The following OAS2 variants were observed in gnomAD, a reference collection of about 807,000 sequenced individuals.
OAS2 encodes the protein 2'-5'-oligoadenylate synthase 2.
A neutral mutation model predicts 71.3 loss-of-function variants in OAS2; 67 were observed. The observed-to-expected ratio is 0.94, with a 90% confidence interval of 0.77 to 1.15. OAS2 has a LOEUF of 1.15. OAS2 is among the 50% of genes most tolerant of loss of function. OAS2 has a pLI of 0.00. For synonymous variants in OAS2, 327 were observed against 321.8 expected (o/e 1.02, Z -0.17); for missense variants, 789 against 822.5 (o/e 0.96, Z 0.50).
chr12:112,988,863 C>G, intron 2 of OAS2: 1 of 393,882 alleles, frequency 2.5e-6, no homozygotes. Flanking sequence ...CTCTTGGGAT[C>G]TGAATCAGGA....
intron 5 of OAS2, among the ~76,000 whole-genome samples, chr12:113,001,391 TATATATACACATATATAC>T (rs2044285906): frequency 6.7e-6 from 1 of 148,300 alleles, no homozygotes; most frequent in Non-Finnish European, 1.5e-5. Flanking sequence ...CATATACACA[TATATATACACATATATAC>T]ATATATACAC....
At chr12:113,007,151 A>G (rs1593207337) in intron 8 of OAS2, among the ~76,000 whole-genome samples, 1 of 152,302 alleles carries the variant, frequency 6.6e-6, no homozygotes, top group Non-Finnish European at 1.5e-5. Context: ...CACACAAAGT[A>G]GCTTCTGAAC....
chr12:113,006,536 T>A lies in OAS2; in HGVS notation c.1592T>A (p.Phe531Tyr), dbSNP rs2044336466. The A allele has an allele frequency of 6.2e-7, 1 of 1,612,972 alleles. No homozygotes were observed. The highest frequency in any genetic ancestry group is 1.3e-5 in the African/African-American group (1 of 74,898). ...TGTTTCACAGTCCTGCAGCGAAACT[T>A]CATTCGCTCCCGGCCCACCAAACTA... ...STCFTVLQRN[F>Y]IRSRPTKLKD... Residue 531 changes from phenylalanine to tyrosine, a missense_variant, in exon 8 of 10, where the codon TTC becomes TAC. Phe to Tyr is a conservative substitution (Grantham distance 22). Coordinates refer to ENST00000392583, the MANE Select transcript of OAS2 (RefSeq NM_002535.3).
At position 113,007,953 on chromosome 12, in the gene OAS2, C is replaced by A. The variant is rs1250205478; in HGVS notation, c.1895+10C>A. 3 of 1,590,160 alleles carry A rather than the reference C, an allele frequency of 1.9e-6. No homozygotes were observed. The highest frequency in any genetic ancestry group is 1.7e-4 in the Middle Eastern group (1 of 6,030). ...AGTTGCAGAAAACCAGGTGCCTTCA[C>A]CCTAGCCCCGTACTTTTCTTAACCT... is the stretch of plus-strand genomic sequence containing the variant. On this transcript the variant is annotated intron_variant, in intron 9 of 9. Coordinates refer to ENST00000392583, the MANE Select transcript of OAS2 (RefSeq NM_002535.3).
Position 112,995,444 on chromosome 12 carries a change from G to A in OAS2, c.597G>A (p.Leu199=). ...FDNRPGKLKD[L]ILLIKHWHQQ... ...ACCGTCCTGGAAAACTAAAGGATTT[G>A]ATCCTCTTGATAAAGCACTGGCATC... The change falls in exon 3 of 10, where the codon TTG becomes TTA. Residue 199 remains leucine, a synonymous_variant. Coordinates refer to ENST00000392583, the MANE Select transcript of OAS2 (RefSeq NM_002535.3). The A allele has an allele frequency of 6.2e-7, 1 of 1,613,998 alleles. No individual in the cohort carries two copies. Among genetic ancestry groups the A allele is most frequent in the Non-Finnish European group, 8.5e-7 (1 of 1,179,974 alleles).
chr12:112,993,700 T>C (rs1263287559), intron 2 of OAS2, among the ~76,000 whole-genome samples: 2 of 148,322 alleles, frequency 1.3e-5, no homozygotes, highest in African/African-American at 2.5e-5. Context: ...GGCAACAGGC[T>C]TTTTTTTTTC....
intron 8 of OAS2, 63 bp from the exon 9 acceptor site, chr12:113,007,642 C>G (rs1350360205): frequency 7.4e-7 from 1 of 1,354,952 alleles, no homozygotes; most frequent in Non-Finnish European, 1.0e-6. Context: ...GCTGTGGTCC[C>G]TGTGCGGCTC....
intron 8 of OAS2, among the ~76,000 whole-genome samples, chr12:113,006,883 A>G (rs1314407067): frequency 6.6e-6 from 1 of 152,202 alleles, no homozygotes; most frequent in African/African-American, 2.4e-5. Context: ...GGGTGGGTGG[A>G]AGCTGGGATT....
At chr12:112,979,434 C>T (rs543856349) in intron 1 of OAS2, among the ~76,000 whole-genome samples, 2 of 152,272 alleles carry the variant, frequency 1.3e-5, no homozygotes, top group East Asian at 3.9e-4. Context: ...TTGGTCTCTA[C>T]CCCTTGCACA....
At chr12:113,005,294 T>G in intron 7 of OAS2, 72 bp downstream of exon 7, 1 of 1,459,350 alleles carries the variant, frequency 6.9e-7, no homozygotes. Context: ...GTGACTTGAT[T>G]ACGGGCTCTG....
intron 1 of OAS2, among the ~76,000 whole-genome samples, chr12:112,985,134 A>G (rs1455821054): frequency 1.3e-5 from 2 of 152,172 alleles, no homozygotes; most frequent in Non-Finnish European, 2.9e-5. Flanking sequence ...TGCAGAAGAC[A>G]TTTTGGGGTT....
chr12:112,993,660 A>C (rs1046651870), intron 2 of OAS2, among the ~76,000 whole-genome samples: 3 of 152,000 alleles, frequency 2.0e-5, no homozygotes, highest in Non-Finnish European at 4.4e-5. Context: ...TGGGAGGATC[A>C]CTTGAGGCCA....
chr12:113,008,720 G>C (rs2044355465), intron 9 of OAS2, among the ~76,000 whole-genome samples: 1 of 152,152 alleles, frequency 6.6e-6, no homozygotes, highest in Admixed American at 6.5e-5. Flanking sequence ...CTGCCTCCCG[G>C]GTTCAAGCTG....
At chr12:113,005,628 G>A (rs2044324832) in intron 7 of OAS2, among the ~76,000 whole-genome samples, 1 of 151,710 alleles carries the variant, frequency 6.6e-6, no homozygotes, top group South Asian at 2.1e-4. Flanking sequence ...AGTATCTTGG[G>A]AGGCCGAGGC....
intron 1 of OAS2, among the ~76,000 whole-genome samples, chr12:112,986,799 G>A (rs1451709883): frequency 6.6e-6 from 1 of 152,198 alleles, no homozygotes; most frequent in Non-Finnish European, 1.5e-5. Flanking sequence ...GGTGGCAGGT[G>A]GGGCAGTTCA....
intron 7 of OAS2, 132 bp downstream of exon 7, chr12:113,005,354 A>G: frequency 1.2e-6 from 1 of 821,390 alleles, no homozygotes; most frequent in Non-Finnish European, 1.9e-6. Flanking sequence ...GGCATTAGTC[A>G]TGGCAGTAAT....
At chr12:113,007,366 C>A (rs2136395346) in intron 8 of OAS2, among the ~76,000 whole-genome samples, 1 of 152,300 alleles carries the variant, frequency 6.6e-6, no homozygotes, top group Non-Finnish European at 1.5e-5. Flanking sequence ...GCTTCAAAGT[C>A]TTCATCTAAA....
chr12:112,997,535 A>G lies in OAS2; in HGVS notation c.643A>G (p.Lys215Glu). Residue 215 changes from lysine (K) to glutamate (E), a missense_variant, in exon 4 of 10, where the codon AAG becomes GAG. Physicochemically the swap from Lys to Glu is moderately conservative, Grantham distance 56. Transcript: ENST00000392583. Reference protein sequence around the residue: ...HWHQQCQKKIKDLPSLSPYAL... With the variant: ...HWHQQCQKKIEDLPSLSPYAL... ...TATCCCACAGTGCCAGAAAAAAATC[A>G]AGGATTTACCCTCGCTGTCTCCGTA... The G allele has an allele frequency of 6.2e-7, 1 of 1,613,714 alleles. No individual in the cohort carries two copies. Among genetic ancestry groups the G allele is most frequent in the Non-Finnish European group, 8.5e-7 (1 of 1,179,720 alleles).
rs544037315 is a variant in OAS2, at chr12:113,010,539, C to G, written c.*1284C>G. 1.2e-4 allele frequency: 187 copies of G among 1,593,196 alleles called. 1 individual carries two copies. The African/African-American group carries it at 2.0e-3, about 17-fold the overall frequency. ...CGGCTCACCGTGAGAAAGAGTCACTCACATCCATTCTTCCCTTGATGGTCC... is the reference window on the plus strand; with the variant it reads ...CGGCTCACCGTGAGAAAGAGTCACTGACATCCATTCTTCCCTTGATGGTCC... On this transcript the variant is annotated 3_prime_UTR_variant, in exon 10 of 10. Transcript: ENST00000392583.
Sources: gnomAD v4.1 joint callset for allele counts (sites outside exome capture counted in the v4.1 genomes callset) on GRCh38, gnomAD v4.1.1 for gene constraint, MANE v1.5 for transcripts, NCBI Gene and HGNC (gene_info 2026-07-23, HGNC 2026-07-21) for gene names.